The following PAK1 variants were observed in gnomAD, a reference collection of about 807,000 sequenced individuals.
The protein encoded by PAK1 is serine/threonine-protein kinase PAK 1.
In PAK1, 29 loss-of-function variants were observed where a neutral mutation model predicts 67.4. The ratio of observed to expected loss-of-function variants is 0.43; its 90% CI spans 0.32 to 0.59. The LOEUF (loss-of-function observed/expected upper bound fraction) is 0.59. Ranked by LOEUF, PAK1 falls within the 20% of genes least tolerant of loss-of-function variation. The probability of loss-of-function intolerance (pLI) is 0.07; values close to 1 mark genes in which losing one functional copy is unlikely to be tolerated. For synonymous variants in PAK1, 223 were observed against 237.4 expected, an observed-to-expected ratio of 0.94 and a Z score of 0.56; for missense variants, 337 against 670.7, an observed-to-expected ratio of 0.50 and a Z score of 5.50.
the PAK1 span, among the ~76,000 whole-genome samples, chr11:77,492,651 C>T: frequency 6.6e-6 from 1 of 151,160 alleles, no homozygotes; most frequent in East Asian, 2.0e-4. Context: ...AAGGTATCCT[C>T]CTTGTTATGG....
At chr11:77,499,578 T>C in the PAK1 span, among the ~76,000 whole-genome samples, 1 of 152,206 alleles carries the variant, frequency 6.6e-6, no homozygotes, top group Non-Finnish European at 1.5e-5. Context: ...CTGGGAAGTC[T>C]TTCATGCCCA....
chr11:77,410,899 C>T (rs1056861804), intron 1 of PAK1, among the ~76,000 whole-genome samples: 1 of 152,130 alleles, frequency 6.6e-6, no homozygotes, highest in Non-Finnish European at 1.5e-5. Context: ...ACAGCCAGGT[C>T]TGTCATTAAC....
At chr11:77,346,043 T>C (rs1944361676) in intron 9 of PAK1, among the ~76,000 whole-genome samples, 2 of 152,202 alleles carry the variant, frequency 1.3e-5, no homozygotes, top group South Asian at 4.1e-4. Context: ...TGGCAATCTC[T>C]GCTCACTGCA....
At chr11:77,326,611 G>C (rs1217991724) in intron 14 of PAK1, among the ~76,000 whole-genome samples, 1 of 152,144 alleles carries the variant, frequency 6.6e-6, no homozygotes, top group Admixed American at 6.5e-5. Flanking sequence ...GCAGAACCTG[G>C]GGAGGTTGAG....
At chr11:77,502,727 G>C in the PAK1 span, among the ~76,000 whole-genome samples, 2 of 152,090 alleles carry the variant, frequency 1.3e-5, no homozygotes, top group Non-Finnish European at 2.9e-5. Flanking sequence ...GCCAGCAGCT[G>C]TCCCACTCCA....
the PAK1 span, among the ~76,000 whole-genome samples, chr11:77,523,922 T>C: frequency 2.0e-5 from 3 of 152,306 alleles, no homozygotes; most frequent in Admixed American, 2.0e-4. Context: ...TGCCAGTGTC[T>C]GTGGACATCA....
At chr11:77,468,494 A>G (rs1323343374) in intron 1 of PAK1, among the ~76,000 whole-genome samples, 1 of 152,230 alleles carries the variant, frequency 6.6e-6, no homozygotes, top group East Asian at 1.9e-4. Flanking sequence ...AATGTAGCAC[A>G]TTAAGTTAAT....
intron 2 of PAK1, among the ~76,000 whole-genome samples, chr11:77,391,126 T>C (rs2137402629): frequency 6.6e-6 from 1 of 152,314 alleles, no homozygotes; most frequent in East Asian, 1.9e-4. Context: ...CAATTATATT[T>C]TTCTACAACA....
intron 14 of PAK1, among the ~76,000 whole-genome samples, chr11:77,326,642 C>T (rs370059432): frequency 8.5e-5 from 13 of 152,220 alleles, no homozygotes; most frequent in African/African-American, 2.4e-4. Context: ...GCCATGATTG[C>T]GCCATGCACT....
intron 1 of PAK1, among the ~76,000 whole-genome samples, chr11:77,437,641 C>T (rs531758147): frequency 6.6e-6 from 1 of 152,120 alleles, no homozygotes; most frequent in South Asian, 2.1e-4. Context: ...GACAGGGATG[C>T]AACTAAACAT....
chr11:77,349,970 T>C (rs1296871687), intron 8 of PAK1, among the ~76,000 whole-genome samples: 2 of 152,178 alleles, frequency 1.3e-5, no homozygotes, highest in Non-Finnish European at 1.5e-5. Flanking sequence ...CGTGTTCACT[T>C]TTTGAAAATT....
chr11:77,510,178 A>G, the PAK1 span, among the ~76,000 whole-genome samples: 20 of 152,324 alleles, frequency 1.3e-4, no homozygotes, highest in African/African-American at 4.8e-4. Context: ...TTTTTGTCCT[A>G]TAATCTGCTA....
rs775707711 is a variant in PAK1 at position 77,353,452 on chromosome 11, G to A, written c.836+84C>T. 7 of 896,324 alleles carry A rather than the reference G, an allele frequency of 7.8e-6. No individual in the cohort carries two copies. The Admixed American group carries it at 1.1e-4, about 14-fold the overall frequency. The allele number at this position is 896,324 out of a possible 1,614,324, so 55.5% of individuals were successfully genotyped here. ...GGAGAAAGAAGAACAAGGTTTATGA[G>A]AGGCAAAAAAAAAGCAAAATCATAT... is the stretch of plus-strand genomic sequence containing the variant. On this transcript the variant is annotated intron_variant, in intron 8 of 14. Coordinates refer to ENST00000356341, the MANE Select transcript of PAK1 (RefSeq NM_002576.5).
chr11:77,492,577 C>T, the PAK1 span, among the ~76,000 whole-genome samples: 4 of 140,630 alleles, frequency 2.8e-5, no homozygotes, highest in African/African-American at 8.0e-5. Flanking sequence ...GACAAGGTCT[C>T]ATTCTGTCGC....
intron 5 of PAK1, among the ~76,000 whole-genome samples, chr11:77,370,362 A>G (rs569639107): frequency 3.0e-4 from 46 of 152,294 alleles, no homozygotes; most frequent in African/African-American, 1.1e-3. Context: ...GCTTTCCTCA[A>G]GTAGGCAGTT....
At chr11:77,457,596 A>C (rs1957137795) in intron 1 of PAK1, among the ~76,000 whole-genome samples, 1 of 152,188 alleles carries the variant, frequency 6.6e-6, no homozygotes, top group African/African-American at 2.4e-5. Context: ...GCAGGAAAGC[A>C]ACAATTGGCT....
chr11:77,512,482 T>C, the PAK1 span, among the ~76,000 whole-genome samples: 1 of 151,726 alleles, frequency 6.6e-6, no homozygotes, highest in Non-Finnish European at 1.5e-5. Context: ...AGGCCAGGAG[T>C]GGGGATGGGA....
chr11:77,376,393 G>C (rs1371425174), intron 4 of PAK1, among the ~76,000 whole-genome samples: 2 of 152,186 alleles, frequency 1.3e-5, no homozygotes, highest in Admixed American at 1.3e-4. Context: ...ACCCAGTTGA[G>C]TTGTCAATCT....
At chr11:77,494,503 C>A in the PAK1 span, among the ~76,000 whole-genome samples, 1 of 151,188 alleles carries the variant, frequency 6.6e-6, no homozygotes, top group African/African-American at 2.4e-5. Flanking sequence ...GCTGGGACTA[C>A]AGGTACATGC....
Sources: gnomAD v4.1 joint callset for allele counts (sites outside exome capture counted in the v4.1 genomes callset) on GRCh38, gnomAD v4.1.1 for gene constraint, MANE v1.5 for transcripts, NCBI Gene and HGNC (gene_info 2026-07-23, HGNC 2026-07-21) for gene names.